VRK2: variants seen among roughly 807,000 people sequenced by gnomAD.
VRK2 encodes the protein VRK serine/threonine kinase 2, also known as serine/threonine-protein kinase VRK2.
In VRK2, 60 loss-of-function variants were observed where a neutral mutation model predicts 57.6. That is an observed-to-expected ratio of 1.04 (90% CI 0.85 to 1.29). The LOEUF (loss-of-function observed/expected upper bound fraction) is 1.29. Ranked by LOEUF, VRK2 falls within the 50% of genes most tolerant of loss-of-function variation. The pLI, the probability that VRK2 is intolerant of heterozygous loss-of-function variation, is 0.00. For synonymous variants in VRK2, 231 were observed against 199.2 expected, an observed-to-expected ratio of 1.16 and a Z score of -1.35; for missense variants, 705 against 588.1, an observed-to-expected ratio of 1.20 and a Z score of -2.06.
intron 1 of VRK2, among the ~76,000 whole-genome samples, chr2:58,011,134 G>T (rs1370071007): frequency 6.6e-6 from 1 of 152,062 alleles, no homozygotes; most frequent in Admixed American, 6.5e-5. Context: ...AACAGCCCAG[G>T]GCATCTTTTT....
chr2:58,046,775 C>T (rs1674802738), upstream of VRK2: 8 of 985,504 alleles, frequency 8.1e-6, no homozygotes, highest in Non-Finnish European at 9.6e-6. Context: ...GGGCCCGCCT[C>T]CCCGCGGGAC....
At chr2:58,092,637 G>A (rs1244486968) in intron 7 of VRK2, among the ~76,000 whole-genome samples, 3 of 152,104 alleles carry the variant, frequency 2.0e-5, no homozygotes, top group African/African-American at 7.2e-5. Flanking sequence ...CATCAGCAAT[G>A]TGTGATATTT....
chr2:57,951,523 A>T (rs1418975934), intron 1 of VRK2, among the ~76,000 whole-genome samples: 1 of 152,210 alleles, frequency 6.6e-6, no homozygotes, highest in African/African-American at 2.4e-5. Flanking sequence ...TACTGGAGGT[A>T]AAATGCTATC....
chr2:58,109,018 G>A (rs1675163345), intron 7 of VRK2, among the ~76,000 whole-genome samples: 1 of 152,156 alleles, frequency 6.6e-6, no homozygotes, highest in African/African-American at 2.4e-5. Context: ...CTTACAGCAA[G>A]TATTTGATAA....
chr2:57,955,074 G>A (rs948598967), intron 1 of VRK2, among the ~76,000 whole-genome samples: 3 of 152,120 alleles, frequency 2.0e-5, no homozygotes, highest in Non-Finnish European at 2.9e-5. Context: ...AAGAATTGGT[G>A]AAGAACATCT....
At chr2:58,026,447 T>C (rs1572797548) in intron 2 of VRK2, among the ~76,000 whole-genome samples, 1 of 152,112 alleles carries the variant, frequency 6.6e-6, no homozygotes, top group South Asian at 2.1e-4. Context: ...CAACTACATA[T>C]ACACAATTAC....
At chr2:58,130,613 C>A (rs941718901) in intron 8 of VRK2, among the ~76,000 whole-genome samples, 4 of 152,136 alleles carry the variant, frequency 2.6e-5, no homozygotes, top group South Asian at 4.1e-4. Flanking sequence ...GTGTTGGCAT[C>A]ATTGTTCTTA....
intron 1 of VRK2, among the ~76,000 whole-genome samples, chr2:57,911,861 A>AG (rs1458294028): frequency 6.6e-6 from 1 of 152,204 alleles, no homozygotes; most frequent in Non-Finnish European, 1.5e-5. Context: ...GCAAAACAGC[A>AG]GGGCTTGTCA....
intron 1 of VRK2, among the ~76,000 whole-genome samples, chr2:58,000,675 T>C (rs1054484655): frequency 6.6e-6 from 1 of 152,170 alleles, no homozygotes; most frequent in Non-Finnish European, 1.5e-5. Flanking sequence ...AAAATGAGAG[T>C]TTATTAGCAG....
At chr2:58,001,136 A>C (rs1572763054) in intron 1 of VRK2, among the ~76,000 whole-genome samples, 1 of 152,234 alleles carries the variant, frequency 6.6e-6, no homozygotes, top group Non-Finnish European at 1.5e-5. Flanking sequence ...AAGAAGCCCA[A>C]GACAGTTTTT....
chr2:57,933,174 G>C (rs1389555194), intron 1 of VRK2, among the ~76,000 whole-genome samples: 1 of 151,810 alleles, frequency 6.6e-6, no homozygotes, highest in Non-Finnish European at 1.5e-5. Flanking sequence ...ATCTGTATAT[G>C]TCTTTTGGGT....
At chr2:57,917,887 T>A (rs904324337) in intron 1 of VRK2, among the ~76,000 whole-genome samples, 26 of 152,074 alleles carry the variant, frequency 1.7e-4, no homozygotes, top group African/African-American at 5.3e-4. Context: ...TGAAAAATAA[T>A]CTTGTTATTT....
intron 1 of VRK2, among the ~76,000 whole-genome samples, chr2:57,983,848 ATTGT>A (rs757299293): frequency 7.9e-5 from 12 of 152,342 alleles, no homozygotes; most frequent in South Asian, 2.1e-4. Context: ...TGATGAAATA[ATTGT>A]TTGATCTTTT....
chr2:58,151,620 A>T (rs56074712), intron 12 of VRK2, among the ~76,000 whole-genome samples: 1 of 149,334 alleles, frequency 6.7e-6, no homozygotes, highest in African/African-American at 2.5e-5. Flanking sequence ...TTAATCTACC[A>T]TTATGCAGTT....
chr2:58,010,789 T>G (rs1432158503), intron 1 of VRK2, among the ~76,000 whole-genome samples: 1 of 152,128 alleles, frequency 6.6e-6, no homozygotes, highest in Non-Finnish European at 1.5e-5. Context: ...TGTTGTCTGC[T>G]CCCAACTCCA....
At chr2:58,113,250 A>G (rs1340537431) in intron 7 of VRK2, among the ~76,000 whole-genome samples, 1 of 150,714 alleles carries the variant, frequency 6.6e-6, no homozygotes, top group Non-Finnish European at 1.5e-5. Context: ...CGGAGGTTGC[A>G]GTGAGCTGAG....
At chr2:58,038,723 T>C (rs1394365496) in intron 3 of VRK2, among the ~76,000 whole-genome samples, 1 of 152,154 alleles carries the variant, frequency 6.6e-6, no homozygotes, top group Non-Finnish European at 1.5e-5. Flanking sequence ...AAGTCTAACT[T>C]CTTTGAGTTT....
chr2:57,977,559 A>G (rs1672290313), intron 1 of VRK2, among the ~76,000 whole-genome samples: 2 of 145,078 alleles, frequency 1.4e-5, no homozygotes, highest in South Asian at 4.1e-4. Flanking sequence ...CGATTTTTGT[A>G]CATTAATTCT....
At chr2:57,969,597 A>G (rs1672029368) in intron 1 of VRK2, among the ~76,000 whole-genome samples, 1 of 152,112 alleles carries the variant, frequency 6.6e-6, no homozygotes, top group African/African-American at 2.4e-5. Flanking sequence ...AAATTAAATG[A>G]ATTAAACTTT....
Sources: gnomAD v4.1 joint callset for allele counts (sites outside exome capture counted in the v4.1 genomes callset) on GRCh38, gnomAD v4.1.1 for gene constraint, MANE v1.5 for transcripts, NCBI Gene and HGNC (gene_info 2026-07-23, HGNC 2026-07-21) for gene names.